MGA: variants seen among roughly 807,000 people sequenced by gnomAD.
MGA encodes MAX dimerization protein MGA.
A neutral mutation model predicts 261.1 loss-of-function variants in MGA; 40 were observed. The observed-to-expected ratio is 0.15, with a 90% CI of 0.12 to 0.20. The LOEUF is 0.20. MGA is among the 10% of genes least tolerant of loss of function. The pLI is 1.00. For missense variants in MGA, 3,397 were observed against 3,630.5 expected (o/e 0.94, Z 1.65); for synonymous variants, 1,302 against 1,290.6 (o/e 1.01, Z -0.19).
intron 17 of MGA, among the ~76,000 whole-genome samples, chr15:41,753,460 C>T (rs2062968602): frequency 6.6e-6 from 1 of 151,856 alleles, no homozygotes; most frequent in South Asian, 2.1e-4. Flanking sequence ...TCTGCTTATC[C>T]TATATATCCA....
intron 13 of MGA, among the ~76,000 whole-genome samples, chr15:41,738,427 A>T (rs559308622): frequency 6.6e-6 from 1 of 152,322 alleles, no homozygotes; most frequent in South Asian, 2.1e-4. Flanking sequence ...TGATTGATCT[A>T]CTTAATTAAA....
intron 1 of MGA, among the ~76,000 whole-genome samples, chr15:41,663,360 G>T (rs530345551): frequency 6.6e-6 from 1 of 151,968 alleles, no homozygotes; most frequent in African/African-American, 2.4e-5. Flanking sequence ...GAATGTTAAG[G>T]TATATATATA....
At chr15:41,718,418 A>C (rs1383908467) in intron 9 of MGA, 3 of 1,283,416 alleles carry the variant, frequency 2.3e-6, no homozygotes, top group South Asian at 1.4e-5. Flanking sequence ...GGGCAAACAC[A>C]GATCGCAGGT....
intron 5 of MGA, among the ~76,000 whole-genome samples, chr15:41,700,079 C>T (rs2059760238): frequency 7.4e-6 from 1 of 135,028 alleles, no homozygotes; most frequent in African/African-American, 2.8e-5. Flanking sequence ...CGCAGTCTCG[C>T]TCTCGCCCAG....
chr15:41,668,126 CT>C (rs557928089), intron 1 of MGA, among the ~76,000 whole-genome samples: 2,196 of 142,044 alleles, frequency 0.015, 36 homozygotes, highest in South Asian at 0.071. Context: ...AAATTTATCA[CT>C]TTTTTTTTTT....
At chr15:41,736,723 A>G (rs1213327237) in intron 13 of MGA, 25 bp downstream of exon 13, 4 of 1,560,420 alleles carry the variant, frequency 2.6e-6, no homozygotes, top group African/African-American at 1.4e-5. Flanking sequence ...TAATCTGGGT[A>G]TAGCACCTTT....
intron 1 of MGA, among the ~76,000 whole-genome samples, chr15:41,630,042 C>A (rs2140968502): frequency 1.3e-5 from 2 of 152,244 alleles, no homozygotes; most frequent in African/African-American, 4.8e-5. Flanking sequence ...ACATAAACCC[C>A]CAGACTTCTT....
intron 11 of MGA, among the ~76,000 whole-genome samples, chr15:41,731,398 TTC>T (rs71431833): frequency 0.24 from 36,465 of 151,916 alleles, 4,956 homozygotes; most frequent in Middle Eastern, 0.42. Context: ...TTAAAATAAT[TTC>T]TCTCATAATT....
At chr15:41,713,575 C>T (rs1222968622) in intron 9 of MGA, 79 bp downstream of exon 9, 1 of 1,396,144 alleles carries the variant, frequency 7.2e-7, no homozygotes, top group East Asian at 2.5e-5. Flanking sequence ...ATACAACCTA[C>T]CTTAATCCCG....
chr15:41,685,654 C>T (rs957632879), intron 2 of MGA, among the ~76,000 whole-genome samples: 11 of 152,032 alleles, frequency 7.2e-5, no homozygotes, highest in Non-Finnish European at 1.6e-4. Flanking sequence ...TAAACTTATT[C>T]CTAGGTGCTT....
intron 8 of MGA, among the ~76,000 whole-genome samples, chr15:41,711,583 C>T (rs1474905180): frequency 6.6e-6 from 1 of 152,110 alleles, no homozygotes; most frequent in African/African-American, 2.4e-5. Context: ...TTTTGAATAA[C>T]CTCTCTCTCC....
In MGA at chr15:41,696,540, A is replaced by G. The variant is rs748641019; in HGVS notation, c.1530A>G (p.Thr510=). 9.3e-6 allele frequency: 15 copies of G among 1,613,878 alleles called. No individual in the cohort carries two copies. In the African/African-American group the frequency reaches 1.7e-4, roughly 19 times the overall value. Reference sequence around the variant, plus strand: ...TGGCAGAATTGGAATATTTGCCTACATACATTGAAAATTCCAATGAGACTG... The same window carrying G: ...TGGCAGAATTGGAATATTTGCCTACGTACATTGAAAATTCCAATGAGACTG... The change falls in exon 3 of 24, where the codon ACA becomes ACG. Residue 510 remains threonine, a synonymous_variant. Transcript: ENST00000219905.
intron 2 of MGA, among the ~76,000 whole-genome samples, chr15:41,690,784 TG>T (rs987721476): frequency 3.0e-4 from 46 of 152,194 alleles, no homozygotes; most frequent in African/African-American, 1.0e-3. Flanking sequence ...GAGGCTAAAG[TG>T]GGAGGATCAC....
At chr15:41,762,080 A>C (rs1403584438) in intron 21 of MGA, 49 bp from the exon 22 acceptor site, 14 of 1,424,008 alleles carry the variant, frequency 9.8e-6, no homozygotes, top group African/African-American at 1.4e-5. Context: ...TCTGTTTCTC[A>C]TTATGTGGCG....
At chr15:41,717,588 A>C in intron 9 of MGA, among the ~76,000 whole-genome samples, 1 of 152,182 alleles carries the variant, frequency 6.6e-6, no homozygotes, top group Admixed American at 6.6e-5. Flanking sequence ...GAAATAGGTG[A>C]CTGCTTGCCT....
chr15:41,768,656 T>A lies in MGA; in HGVS notation c.*1376T>A, dbSNP rs907489220. On this transcript the variant is annotated 3_prime_UTR_variant, in exon 24 of 24. Transcript: ENST00000219905. The stretch of plus-strand genomic sequence containing the variant: ...CCTGTTCTGTCTTCATTGACAGGAT[T>A]TGCTTGTGTTGTTAAAACACTAACA... 1 of 152,618 alleles carries A rather than the reference T, an allele frequency of 6.6e-6. No homozygotes were observed. The highest frequency in any genetic ancestry group is 1.5e-5 in the Non-Finnish European group (1 of 68,018). The allele number at this position is 152,618 out of a possible 1,614,324, so 9.5% of individuals were successfully genotyped here. A position where few individuals can be genotyped will look rare whatever the true frequency, so the allele number is the denominator to read the frequency against.
intron 1 of MGA, among the ~76,000 whole-genome samples, chr15:41,648,350 A>G (rs2056974887): frequency 6.6e-6 from 1 of 152,230 alleles, no homozygotes; most frequent in Non-Finnish European, 1.5e-5. Flanking sequence ...TTTTAGTTTC[A>G]TCATCAGCCT....
chr15:41,682,451 A>G (rs983242187), intron 2 of MGA, among the ~76,000 whole-genome samples: 5 of 151,504 alleles, frequency 3.3e-5, no homozygotes, highest in Non-Finnish European at 5.9e-5. Flanking sequence ...CTAACTTTAC[A>G]TTTGCTATTT....
rs746318765 is a variant in MGA at position 41,707,820 on chromosome 15, C to T, written c.2281C>T (p.Pro761Ser). ...ACCTTTGGCTCCAGCTACTAGCTTT[C>T]CTTTTTGGAACCTTACAGGAACCAA... The change falls in exon 6 of 24, where the codon CCT (proline) becomes TCT (serine). Residue 761 changes from proline (P) to serine (S), a missense_variant. This residue lies in a region of MGA where 519 missense variants were observed against 554.1 expected (regional missense o/e 0.94). Transcript: ENST00000219905. The T allele has an allele frequency of 1.9e-6, 3 of 1,613,788 alleles. No individual in the cohort carries two copies. The highest frequency in any genetic ancestry group is 2.5e-6 in the Non-Finnish European group (3 of 1,179,844).
Sources: allele counts gnomAD v4.1 joint callset (sites outside exome capture counted in the v4.1 genomes callset), GRCh38; gene constraint gnomAD v4.1.1; regional missense constraint gnomAD v4.1.1; transcripts MANE v1.5; gene names NCBI Gene and HGNC (gene_info 2026-07-23, HGNC 2026-07-21).